Variants in FCHO2 observed in about 807,000 individuals in gnomAD.
FCHO2 encodes FCH and mu domain containing endocytic adaptor 2.
FCHO2 carries 43 observed loss-of-function variants against 114.1 expected under a neutral mutation model. The observed-to-expected ratio is 0.38, with a 90% CI of 0.30 to 0.49. The LOEUF is 0.49. Among genes scored for constraint, FCHO2 ranks in the 20% least tolerant of loss-of-function variants. The pLI is 0.97. For synonymous variants in FCHO2, 293 were observed against 315.2 expected (o/e 0.93, Z 0.75); for missense variants, 807 against 950.4 (o/e 0.85, Z 1.98).
At chr5:72,959,096 A>G (rs1466608969) in intron 1 of FCHO2, among the ~76,000 whole-genome samples, 1 of 152,238 alleles carries the variant, frequency 6.6e-6, no homozygotes, top group East Asian at 1.9e-4. Flanking sequence ...TTGAAAACAA[A>G]TAGTTAATAG....
chr5:73,081,607 C>T (rs1409524960), intron 22 of FCHO2, among the ~76,000 whole-genome samples, 176 bp from the exon 23 acceptor site: 1 of 152,126 alleles, frequency 6.6e-6, no homozygotes, highest in Non-Finnish European at 1.5e-5. Context: ...AGTAGGTCCC[C>T]ACATTGAGAA....
At chr5:73,003,614 C>T (rs1410102897) in intron 5 of FCHO2, among the ~76,000 whole-genome samples, 1 of 151,930 alleles carries the variant, frequency 6.6e-6, no homozygotes, top group Non-Finnish European at 1.5e-5. Flanking sequence ...CAATAGCTGG[C>T]ATATAAATTA....
At chr5:73,016,703 T>A (rs1039971685) in intron 7 of FCHO2, among the ~76,000 whole-genome samples, 6 of 148,150 alleles carry the variant, frequency 4.0e-5, no homozygotes, top group Non-Finnish European at 7.5e-5. Context: ...GATTTTAAAT[T>A]GTTTAAATAT....
chr5:73,060,172 C>T (rs993869461), intron 17 of FCHO2, among the ~76,000 whole-genome samples: 1 of 151,948 alleles, frequency 6.6e-6, no homozygotes, highest in Non-Finnish European at 1.5e-5. Context: ...AAAAATGGTT[C>T]GTTTTCATTT....
At chr5:73,018,020 C>G (rs1755399279) in intron 8 of FCHO2, among the ~76,000 whole-genome samples, 1 of 152,080 alleles carries the variant, frequency 6.6e-6, no homozygotes, top group African/African-American at 2.4e-5. Context: ...TTATTAGTTA[C>G]TATATCATGT....
chr5:72,963,642 G>A (rs570404291), intron 1 of FCHO2, among the ~76,000 whole-genome samples: 10 of 152,018 alleles, frequency 6.6e-5, no homozygotes, highest in African/African-American at 2.2e-4. Flanking sequence ...TTGAACTCCT[G>A]GGCTCCAGGG....
chr5:73,057,098 C>CA (rs1406757856), intron 16 of FCHO2, among the ~76,000 whole-genome samples: 82 of 113,598 alleles, frequency 7.2e-4, no homozygotes, highest in African/African-American at 2.5e-3. Flanking sequence ...TAATTTTTTT[C>CA]AAAATTTTTT....
At chr5:73,026,737 C>G (rs186374668) in intron 8 of FCHO2, among the ~76,000 whole-genome samples, 1 of 152,156 alleles carries the variant, frequency 6.6e-6, no homozygotes, top group Non-Finnish European at 1.5e-5. Flanking sequence ...GTTGCCCAGT[C>G]TGGAGTGCAG....
intron 11 of FCHO2, among the ~76,000 whole-genome samples, chr5:73,044,378 A>G (rs1756957245): frequency 1.3e-5 from 2 of 152,150 alleles, no homozygotes; most frequent in South Asian, 4.1e-4. Flanking sequence ...AGCTGGGAAC[A>G]CAGGCATATG....
rs1753768382 is a variant in FCHO2, at chr5:72,990,733, A to C, written c.364A>C (p.Thr122Pro). The C allele has an allele frequency of 6.4e-7, 1 of 1,555,474 alleles. No individual in the cohort carries two copies. Among genetic ancestry groups the C allele is most frequent in the African/African-American group, 1.4e-5 (1 of 73,070 alleles). ...HKKTKEEVAG[T>P]LEAVQTIQSI... Reference sequence around the variant, plus strand: ...ACAGACTAAAGAAGAAGTTGCAGGAACTCTGGAAGCTGTCCAAACCATTCA... The same window carrying C: ...ACAGACTAAAGAAGAAGTTGCAGGACCTCTGGAAGCTGTCCAAACCATTCA... Residue 122 changes from threonine (T) to proline (P), a missense_variant, in exon 5 of 26, where the codon ACT becomes CCT. Thr to Pro is a conservative substitution (Grantham distance 38, BLOSUM62 -1). Coordinates refer to ENST00000430046, the MANE Select transcript of FCHO2 (RefSeq NM_138782.3).
intron 22 of FCHO2, among the ~76,000 whole-genome samples, chr5:73,078,801 A>T (rs976710703): frequency 2.6e-5 from 4 of 152,244 alleles, no homozygotes; most frequent in Non-Finnish European, 5.9e-5. Flanking sequence ...TGACATAAGG[A>T]CATTTAATAT....
At position 72,997,051 on chromosome 5, in the gene FCHO2, C is replaced by T; in HGVS notation, c.495+6187C>T. On this transcript the variant is annotated intron_variant, in intron 5 of 25. Transcript: ENST00000430046. ...AGCACCAAACTGTTCGATATGATAT[C>T]ATCCCCTTATCTTCTTGTCCTGGAA... is the stretch of plus-strand genomic sequence containing the variant. 5 of 1,323,210 alleles carry T rather than the reference C, an allele frequency of 3.8e-6. No homozygotes were observed. In the South Asian group the frequency reaches 4.7e-5, roughly 12 times the overall value. 82.0% of individuals were successfully genotyped at this position (1,323,210 alleles called of 1,614,324 possible). A position where few individuals can be genotyped will look rare whatever the true frequency, so the allele number is the denominator to read the frequency against.
intron 25 of FCHO2, 150 bp from the exon 26 acceptor site, chr5:73,087,918 C>T (rs761323136): frequency 3.8e-5 from 52 of 1,354,268 alleles, no homozygotes; most frequent in East Asian, 9.6e-5. Context: ...AGAGTTCTTA[C>T]GGTCAGTATA....
At chr5:73,037,096 T>C (rs1175803808) in intron 9 of FCHO2, 47 bp from the exon 10 acceptor site, 2 of 1,316,076 alleles carry the variant, frequency 1.5e-6, no homozygotes, top group African/African-American at 3.0e-5. Context: ...TTAATATGTT[T>C]ATCAGGAATG....
chr5:72,986,161 A>G (rs1471544945), intron 2 of FCHO2, among the ~76,000 whole-genome samples: 2 of 151,982 alleles, frequency 1.3e-5, no homozygotes, highest in Non-Finnish European at 2.9e-5. Context: ...ATCTCAATAT[A>G]GTATATCTAA....
intron 6 of FCHO2, among the ~76,000 whole-genome samples, chr5:73,012,023 A>G (rs1260542751): frequency 2.6e-5 from 4 of 152,206 alleles, no homozygotes; most frequent in African/African-American, 9.6e-5. Context: ...TAGAAGGATT[A>G]CACTCTAATA....
intron 2 of FCHO2, among the ~76,000 whole-genome samples, chr5:72,981,417 G>C (rs954128455): frequency 6.6e-6 from 1 of 152,004 alleles, no homozygotes; most frequent in Non-Finnish European, 1.5e-5. Context: ...TGACAATTAC[G>C]TGTCTTGGGG....
At chr5:72,987,867 CA>C (rs1753620037) in intron 2 of FCHO2, among the ~76,000 whole-genome samples, 1 of 152,046 alleles carries the variant, frequency 6.6e-6, no homozygotes, top group Non-Finnish European at 1.5e-5. Flanking sequence ...GGTTTTTGTG[CA>C]AATTTGGTTG....
At chr5:72,990,668 C>G (rs1471645394) in intron 4 of FCHO2, 44 bp from the exon 5 acceptor site, 1 of 1,534,242 alleles carries the variant, frequency 6.5e-7, no homozygotes, top group Non-Finnish European at 8.7e-7. Flanking sequence ...ATATTGAATA[C>G]TTTATAGTTC....
Sources: gnomAD v4.1 joint callset for allele counts (sites outside exome capture counted in the v4.1 genomes callset) on GRCh38, gnomAD v4.1.1 for gene constraint, MANE v1.5 for transcripts, NCBI Gene and HGNC (gene_info 2026-07-23, HGNC 2026-07-21) for gene names.